The following NBPF26 variants were observed in gnomAD, a reference collection of about 807,000 sequenced individuals.
The protein encoded by NBPF26 is NBPF member 26.
NBPF26 carries 79 observed loss-of-function variants against 119.6 expected under a neutral mutation model. The ratio of observed to expected loss-of-function variants is 0.66; its 90% CI spans 0.55 to 0.80. NBPF26 has a LOEUF of 0.80. Ranked by LOEUF, NBPF26 falls within the 30% of genes least tolerant of loss-of-function variation. NBPF26 has a pLI of 0.00. For missense variants in NBPF26, 800 were observed against 1,198.2 expected (o/e 0.67, Z 4.91); for synonymous variants, 299 against 457.7 (o/e 0.65, Z 4.43).
At chr1:120,812,894 G>C (rs1378327900) in intron 10 of NBPF26, among the ~76,000 whole-genome samples, 3 of 111,546 alleles carry the variant, frequency 2.7e-5, no homozygotes, top group Non-Finnish European at 5.1e-5. Context: ...TTGCACTCCA[G>C]CCTGGGCGAC....
chr1:120,840,706 T>A, downstream of NBPF26: 1 of 1,245,036 alleles, frequency 8.0e-7, no homozygotes, highest in South Asian at 1.4e-5. Context: ...GATGGTTCAG[T>A]GGGCATGGCT....
At chr1:120,806,622 A>G (rs1381054344) in intron 5 of NBPF26, among the ~76,000 whole-genome samples, 2 of 124,008 alleles carry the variant, frequency 1.6e-5, no homozygotes, top group East Asian at 4.0e-4. Flanking sequence ...TAAATAAATC[A>G]AAAATAAAAA....
At position 120,823,797 on chromosome 1, in the gene NBPF26, A is replaced by C. The variant is rs1180304736; in HGVS notation, c.2640-177A>C. ...GTGTGTGTGTGTGTGTGTGTCTTTC[A>C]TCTTTTTCTACCTGGCCCTGTTCTA... On this transcript the variant is annotated intron_variant, in intron 17 of 29. Coordinates refer to ENST00000620612, the Ensembl canonical transcript of NBPF26. Among the ~76,000 whole-genome samples the C allele has an allele frequency of 5.9e-5, 5 of 84,832 alleles. 1 individual carries two copies. Among genetic ancestry groups the C allele is most frequent in the Admixed American group, 5.4e-4 (5 of 9,266 alleles). The allele number at this position is 84,832 out of a possible 152,430, so 55.7% of individuals were successfully genotyped here.
rs1314646186 is a variant in NBPF26 at position 120,814,451 on chromosome 1, C to A, written c.1878-378C>A. Among the ~76,000 whole-genome samples the A allele has an allele frequency of 1.8e-5, 2 of 108,754 alleles. 1 individual carries two copies. Among genetic ancestry groups the A allele is most frequent in the Non-Finnish European group, 3.5e-5 (2 of 56,452 alleles). The allele number at this position is 108,754 out of a possible 152,430, so 71.3% of individuals were successfully genotyped here. On this transcript the variant is annotated intron_variant, in intron 11 of 29. Coordinates refer to ENST00000620612, the Ensembl canonical transcript of NBPF26. ...AATTCGCCCCATCTGCACCTGGCCT[C>A]ATTTCTGTACATGGCTTTGTATCTA...
intron 15 of NBPF26, among the ~76,000 whole-genome samples, chr1:120,819,129 C>T (rs1652076957): frequency 8.0e-6 from 1 of 124,884 alleles, no homozygotes; most frequent in African/African-American, 3.8e-5. Context: ...CTTTGTAGGT[C>T]TCTCAGGACT....
chr1:120,809,741 G>T, intron 7 of NBPF26, 70 bp from the exon 8 acceptor site: 1 of 1,445,218 alleles, frequency 6.9e-7, no homozygotes, highest in Non-Finnish European at 9.5e-7. Context: ...ATGTCTCTGT[G>T]CACGTTGGGC....
At position 120,811,288 on chromosome 1, in the gene NBPF26, T is replaced by A. The variant is rs1226685818; in HGVS notation, c.1565-598T>A. On this transcript the variant is annotated intron_variant, in intron 9 of 29. Coordinates refer to ENST00000620612, the Ensembl canonical transcript of NBPF26. Reference sequence around the variant, plus strand: ...CTGACCAGGGGCGCTGGCTCACATCTTAATCCCAACACTTTGGGAGGCCGA... The same window carrying A: ...CTGACCAGGGGCGCTGGCTCACATCATAATCCCAACACTTTGGGAGGCCGA... Among the ~76,000 whole-genome samples the A allele has an allele frequency of 2.0e-5, 2 of 101,602 alleles. 1 individual carries two copies. The highest frequency in any genetic ancestry group is 3.7e-5 in the Non-Finnish European group (2 of 53,872). The allele number at this position is 101,602 out of a possible 152,430, so 66.7% of individuals were successfully genotyped here.
Position 120,810,669 on chromosome 1 carries a change from T to G in NBPF26, c.1564+111T>G, listed in dbSNP as rs1651839396. 17 of 1,269,008 alleles carry G rather than the reference T, an allele frequency of 1.3e-5. No individual in the cohort carries two copies. The South Asian group carries it at 2.0e-4, about 15-fold the overall frequency. The allele number at this position is 1,269,008 out of a possible 1,614,324, so 78.6% of individuals were successfully genotyped here. A position where few individuals can be genotyped will look rare whatever the true frequency, so the allele number is the denominator to read the frequency against. ...TTATTGTTTTAGTCAGAAACTGGGA[T>G]GGAGCTAGGTGCTGTGACTCACACA... On this transcript the variant is annotated intron_variant, in intron 9 of 29. Coordinates refer to ENST00000620612, the Ensembl canonical transcript of NBPF26.
At chr1:120,776,076 C>G (rs1381949556) in intron 2 of NBPF26, among the ~76,000 whole-genome samples, 1 of 114,966 alleles carries the variant, frequency 8.7e-6, no homozygotes, top group South Asian at 2.5e-4. Flanking sequence ...GGTAAAGATT[C>G]CACAGAGCCC....
intron 29 of NBPF26, 98 bp from the exon 36 acceptor site, chr1:120,840,252 T>C (rs1652481873): frequency 7.0e-7 from 1 of 1,426,488 alleles, no homozygotes; most frequent in African/African-American, 2.7e-5. Flanking sequence ...ATCCTTTTTC[T>C]TTTCTAACCA....
rs1231558214 is a variant in NBPF26, at chr1:120,793,281, G to T, written c.536G>T (p.Cys179Phe). ...CTCACAGGCTTCACAGGGCAGAAGT[G>T]TGAGACTGATGTCAATGAGTGTGAC... Residue 179 changes from cysteine to phenylalanine, a missense_variant, in exon 4 of 30, where the codon TGT (cysteine) becomes TTT (phenylalanine). By Grantham distance (205) the Cys-to-Phe change is radical (BLOSUM62 -2). This residue lies in a region of NBPF26 where 209 missense variants were observed against 285.2 expected (regional missense o/e 0.73). Coordinates refer to ENST00000620612, the Ensembl canonical transcript of NBPF26. 2 of 1,395,028 alleles carry T rather than the reference G, an allele frequency of 1.4e-6. 1 individual carries two copies. The highest frequency in any genetic ancestry group is 1.9e-6 in the Non-Finnish European group (2 of 1,038,038). The allele number at this position is 1,395,028 out of a possible 1,614,324, so 86.4% of individuals were successfully genotyped here. A position where few individuals can be genotyped will look rare whatever the true frequency, so the allele number is the denominator to read the frequency against.
rs1490073550 is a variant in NBPF26 at position 120,743,903 on chromosome 1, G to A, written c.73+19653G>A. On this transcript the variant is annotated intron_variant, in intron 1 of 29. Coordinates refer to ENST00000620612, the Ensembl canonical transcript of NBPF26. The stretch of plus-strand genomic sequence containing the variant: ...TGTTTCAGAGAGTTTGCAGCAATTA[G>A]GCTTTATTGGTGCACTAAGGAGAAG... Among the ~76,000 whole-genome samples the A allele has an allele frequency of 1.8e-5, 2 of 109,864 alleles. 1 individual carries two copies. Among genetic ancestry groups the A allele is most frequent in the Non-Finnish European group, 3.6e-5 (2 of 55,372 alleles). 72.1% of individuals were successfully genotyped at this position (109,864 alleles called of 152,430 possible).
rs1172005215 is a variant in NBPF26, at chr1:120,724,074, G to A, written c.-104G>A. 1.1e-5 allele frequency: 14 copies of A among 1,305,236 alleles called. 3 individuals are homozygous for A. The highest frequency in any genetic ancestry group is 9.3e-5 in the Admixed American group (3 of 32,104). 80.9% of individuals were successfully genotyped at this position (1,305,236 alleles called of 1,614,324 possible). ...CCTGAGCCTTTGAAGCAGGAGGAGG[G>A]GAGGAGAGAGTGGGGCTCCTCTATC... On this transcript the variant is annotated 5_prime_UTR_variant, in exon 1 of 30. Coordinates refer to ENST00000620612, the Ensembl canonical transcript of NBPF26.
chr1:120,728,566 T>C, intron 1 of NBPF26, among the ~76,000 whole-genome samples: 1 of 117,726 alleles, frequency 8.5e-6, no homozygotes, highest in South Asian at 2.4e-4. Context: ...TCAAGTTTGC[T>C]TCCACTGCTT....
At position 120,811,180 on chromosome 1, in the gene NBPF26, G is replaced by A. The variant is rs1412726944; in HGVS notation, c.1564+622G>A. Among the ~76,000 whole-genome samples, 4 of 106,018 alleles carry A rather than the reference G, an allele frequency of 3.8e-5. 1 individual carries two copies. The highest frequency in any genetic ancestry group is 3.6e-4 in the Admixed American group (4 of 11,246). 69.6% of individuals were successfully genotyped at this position (106,018 alleles called of 152,430 possible). On this transcript the variant is annotated intron_variant, in intron 9 of 29. Coordinates refer to ENST00000620612, the Ensembl canonical transcript of NBPF26. Reference sequence around the variant, plus strand: ...GGAGAATGGCATGAACCCAGGAACCGGAGCTTGCAGTGAGCCAAGATTGTG... The same window carrying A: ...GGAGAATGGCATGAACCCAGGAACCAGAGCTTGCAGTGAGCCAAGATTGTG...
chr1:120,820,462 A>ATATGTATATATATATG (rs1652108759), intron 15 of NBPF26, among the ~76,000 whole-genome samples: 4 of 23,338 alleles, frequency 1.7e-4, no homozygotes, highest in African/African-American at 6.7e-4. Flanking sequence ...ATATATATAT[A>ATATGTATATATATATG]TATATATATA....
intron 17 of NBPF26, among the ~76,000 whole-genome samples, 197 bp from the exon 18 acceptor site, chr1:120,823,776 GT>G (rs2101537382): frequency 8.8e-6 from 1 of 113,704 alleles, no homozygotes; most frequent in East Asian, 2.1e-4. Flanking sequence ...GTGTGTGTGT[GT>G]GTGTGTGTGT....
At chr1:120,818,689 T>G (rs1472259596) in intron 15 of NBPF26, among the ~76,000 whole-genome samples, 1 of 125,062 alleles carries the variant, frequency 8.0e-6, no homozygotes. Flanking sequence ...TGTATCTTTG[T>G]TCTCATTGGT....
At position 120,737,713 on chromosome 1, in the gene NBPF26, G is replaced by A. The variant is rs1273273077; in HGVS notation, c.73+13463G>A. On this transcript the variant is annotated intron_variant, in intron 1 of 29. Coordinates refer to ENST00000620612, the Ensembl canonical transcript of NBPF26. ...TTCTTTGTACTAGTTGAGACAACTC[G>A]GCAGGTCTGGTGTCATTAGTGATTC... Among the ~76,000 whole-genome samples, 12 of 124,824 alleles carry A rather than the reference G, an allele frequency of 9.6e-5. 2 individuals are homozygous for A. Among genetic ancestry groups the A allele is most frequent in the East Asian group, 2.0e-4 (1 of 5,044 alleles). 81.9% of individuals were successfully genotyped at this position (124,824 alleles called of 152,430 possible).
Sources: allele counts gnomAD v4.1 joint callset (sites outside exome capture counted in the v4.1 genomes callset), GRCh38; gene constraint gnomAD v4.1.1; regional missense constraint gnomAD v4.1.1; transcripts MANE v1.5; gene names NCBI Gene and HGNC (gene_info 2026-07-23, HGNC 2026-07-21).